The following IFI27L1 variants were observed in gnomAD, a reference collection of about 807,000 sequenced individuals.
The protein encoded by IFI27L1 is interferon alpha-inducible protein 27-like protein 1.
A neutral mutation model predicts 9.2 loss-of-function variants in IFI27L1; 3 were observed. The observed-to-expected ratio is 0.32, with a 90% confidence interval of 0.15 to 0.84. IFI27L1 has a LOEUF of 0.84. IFI27L1 is among the 40% of genes least tolerant of loss of function. The pLI, the probability that IFI27L1 is intolerant of heterozygous loss-of-function variation, is 0.56. For missense variants in IFI27L1, 133 were observed against 134.2 expected, an observed-to-expected ratio of 0.99 and a Z score of 0.05; for synonymous variants, 53 against 50.0, an observed-to-expected ratio of 1.06 and a Z score of -0.26.
At chr14:94,091,425 A>G (rs534554996) in intron 1 of IFI27L1, among the ~76,000 whole-genome samples, 34 of 152,362 alleles carry the variant, frequency 2.2e-4, no homozygotes, top group African/African-American at 7.9e-4. Context: ...TAACTTAGTT[A>G]TACAAATACA....
intron 2 of IFI27L1, among the ~76,000 whole-genome samples, chr14:94,099,322 G>A (rs1886800683): frequency 1.3e-5 from 2 of 152,182 alleles, no homozygotes; most frequent in Admixed American, 1.3e-4. Flanking sequence ...GGTGAGAGCA[G>A]GGGGACGCTG....
chr14:94,100,526 C>G, intron 2 of IFI27L1: 2 of 985,376 alleles, frequency 2.0e-6, no homozygotes, highest in Non-Finnish European at 2.4e-6. Flanking sequence ...ACTTCTGATG[C>G]GGGGACCTGG....
At chr14:94,096,044 G>C (rs1347754490) in intron 1 of IFI27L1, among the ~76,000 whole-genome samples, 1 of 152,164 alleles carries the variant, frequency 6.6e-6, no homozygotes, top group Admixed American at 6.5e-5. Context: ...TATGTAAGAT[G>C]ATGAGGTCCT....
chr14:94,099,805 G>A (rs1445341202), intron 2 of IFI27L1, among the ~76,000 whole-genome samples: 2 of 151,498 alleles, frequency 1.3e-5, no homozygotes, highest in East Asian at 2.0e-4. Context: ...GGGGCTGCTC[G>A]CTGTAGGGAG....
intron 4 of IFI27L1, 70 bp downstream of exon 4, chr14:94,102,045 C>T: frequency 6.6e-7 from 1 of 1,507,246 alleles, no homozygotes; most frequent in Non-Finnish European, 9.2e-7. Flanking sequence ...AGGGAGGCCT[C>T]TCCTCTCCCT....
At chr14:94,102,019 G>A (rs1297664668) in intron 4 of IFI27L1, 44 bp downstream of exon 4, 1 of 1,610,478 alleles carries the variant, frequency 6.2e-7, no homozygotes. Context: ...AGATGATCCA[G>A]CCCCGAGGCT....
intron 1 of IFI27L1, among the ~76,000 whole-genome samples, chr14:94,089,560 A>G (rs1200590268): frequency 6.6e-6 from 1 of 152,186 alleles, no homozygotes; most frequent in Admixed American, 6.5e-5. Context: ...TCTTTACTGC[A>G]TGCTATTTTA....
chr14:94,082,015 T>C (rs558816158), intron 1 of IFI27L1, among the ~76,000 whole-genome samples: 28 of 152,300 alleles, frequency 1.8e-4, no homozygotes, highest in Non-Finnish European at 3.1e-4. Flanking sequence ...AAAGGCAAGA[T>C]AGGCTGAAAG....
intron 2 of IFI27L1, 34 bp downstream of exon 2, chr14:94,096,999 T>C: frequency 6.3e-7 from 1 of 1,587,458 alleles, no homozygotes; most frequent in Non-Finnish European, 8.6e-7. Flanking sequence ...GGGCTGCTGG[T>C]CCTTCCGAGG....
intron 2 of IFI27L1, among the ~76,000 whole-genome samples, chr14:94,099,888 C>T (rs1418562488): frequency 1.3e-5 from 2 of 152,160 alleles, no homozygotes; most frequent in African/African-American, 4.8e-5. Flanking sequence ...GTTCTCTGAG[C>T]TGTCCATTGT....
rs1886874502 is a variant in IFI27L1, at chr14:94,101,011, C to G, written c.61+240C>G. 3.8e-5 allele frequency: 23 copies of G among 604,688 alleles called. No homozygotes were observed. In the East Asian group the frequency reaches 6.3e-4, roughly 17 times the overall value. 37.5% of individuals were successfully genotyped at this position (604,688 alleles called of 1,614,324 possible). On this transcript the variant is annotated intron_variant, in intron 3 of 4. Transcript: ENST00000555523. The stretch of plus-strand genomic sequence containing the variant: ...CTCTCAGCTTCCACCAAGTACAAAC[C>G]ATGCAACCCCGGATGAGTCATTGGA...
At chr14:94,088,011 A>G (rs570786172) in intron 1 of IFI27L1, among the ~76,000 whole-genome samples, 25 of 152,142 alleles carry the variant, frequency 1.6e-4, no homozygotes, top group Non-Finnish European at 2.8e-4. Context: ...TTGCTTCCTG[A>G]GGCAGATTAT....
intron 1 of IFI27L1, among the ~76,000 whole-genome samples, chr14:94,092,113 G>A (rs1162181528): frequency 1.8e-4 from 27 of 150,710 alleles, no homozygotes; most frequent in African/African-American, 6.1e-4. Context: ...GTGACAGAGT[G>A]AGACTGTGTC....
chr14:94,102,005 CAGG>C (rs1247750006), intron 4 of IFI27L1, 30 bp downstream of exon 4: 12 of 1,613,276 alleles, frequency 7.4e-6, no homozygotes, highest in Non-Finnish European at 1.0e-5. Context: ...TGACCAGAGC[CAGG>C]AGATGATCCA....
intron 1 of IFI27L1, among the ~76,000 whole-genome samples, chr14:94,090,441 A>G (rs558026787): frequency 6.6e-6 from 1 of 152,338 alleles, no homozygotes; most frequent in Non-Finnish European, 1.5e-5. Flanking sequence ...AAAGTGCAGC[A>G]AGAATGATTA....
Position 94,102,464 on chromosome 14 carries a change from T to C in IFI27L1, c.224-13T>C. On this transcript the variant is annotated splice_polypyrimidine_tract_variant and intron_variant, in intron 4 of 4. Transcript: ENST00000555523. Reference sequence around the variant, plus strand: ...CTCCCTGTGCCCTGTGCTCACCCTCTCTTCTCCCCCAGGGGCAGCTGGACT... The same window carrying C: ...CTCCCTGTGCCCTGTGCTCACCCTCCCTTCTCCCCCAGGGGCAGCTGGACT... 6.4e-7 allele frequency: 1 copy of C among 1,551,944 alleles called. No homozygotes were observed. Among genetic ancestry groups the C allele is most frequent in the South Asian group, 1.2e-5 (1 of 81,396 alleles).
chr14:94,096,836 T>C (rs1489124725), intron 1 of IFI27L1, 51 bp from the exon 2 acceptor site: 6 of 986,024 alleles, frequency 6.1e-6, no homozygotes, highest in Non-Finnish European at 9.6e-6. Flanking sequence ...TCTTTATTAA[T>C]GCAGCTTTAT....
At chr14:94,084,794 G>A (rs1342141226) in intron 1 of IFI27L1, among the ~76,000 whole-genome samples, 1 of 152,212 alleles carries the variant, frequency 6.6e-6, no homozygotes, top group African/African-American at 2.4e-5. Flanking sequence ...CAATGCCTGG[G>A]AAAGGGAGAG....
chr14:94,083,102 G>A (rs992617733), intron 1 of IFI27L1, among the ~76,000 whole-genome samples: 7 of 152,190 alleles, frequency 4.6e-5, no homozygotes, highest in African/African-American at 7.2e-5. Context: ...ACAAGAGTTC[G>A]GAAGAAGTTG....
Sources: allele counts gnomAD v4.1 joint callset (sites outside exome capture counted in the v4.1 genomes callset), GRCh38; gene constraint gnomAD v4.1.1; transcripts MANE v1.5; gene names NCBI Gene and HGNC (gene_info 2026-07-23, HGNC 2026-07-21).